Variants in GSK3B observed in about 807,000 individuals in gnomAD.
GSK3B encodes glycogen synthase kinase 3 beta.
A neutral mutation model predicts 56.4 loss-of-function variants in GSK3B; 15 were observed. That is an observed-to-expected ratio of 0.27 (90% confidence interval 0.18 to 0.41). The LOEUF is 0.41. Ranked by LOEUF, GSK3B falls within the 10% of genes least tolerant of loss-of-function variation. The pLI is 1.00. For synonymous variants in GSK3B, 181 were observed against 188.9 expected, an observed-to-expected ratio of 0.96 and a Z score of 0.34; for missense variants, 300 against 513.4, an observed-to-expected ratio of 0.58 and a Z score of 4.02.
At chr3:119,990,300 A>C (rs2057552646) in intron 2 of GSK3B, among the ~76,000 whole-genome samples, 1 of 152,040 alleles carries the variant, frequency 6.6e-6, no homozygotes, top group African/African-American at 2.4e-5. Context: ...CCACACACAT[A>C]AACATTCCAA....
intron 3 of GSK3B, among the ~76,000 whole-genome samples, chr3:119,928,612 T>TAAAAAAAAAAAAAAAAAAAAAAAAAAAAA (rs1160252679): frequency 1.5e-5 from 1 of 67,034 alleles, no homozygotes; most frequent in African/African-American, 4.7e-5. Context: ...ATCAAAAAAA[T>TAAAAAAAAAAAAAAAAAAAAAAAAAAAAA]AAAAAAAAAA....
intron 7 of GSK3B, among the ~76,000 whole-genome samples, chr3:119,899,502 A>T (rs1223340947): frequency 1.3e-5 from 2 of 152,130 alleles, no homozygotes; most frequent in East Asian, 3.8e-4. Context: ...GGCAGCTTTT[A>T]TGATGAGCAG....
chr3:120,084,657 T>C (rs1296099236), intron 1 of GSK3B: 1 of 152,260 alleles, frequency 6.6e-6, no homozygotes, highest in Non-Finnish European at 1.5e-5. Context: ...TTTTCTCATC[T>C]AAGATGTTAG....
intron 2 of GSK3B, among the ~76,000 whole-genome samples, chr3:119,993,004 G>A (rs1406481729): frequency 6.6e-6 from 1 of 151,522 alleles, no homozygotes; most frequent in Non-Finnish European, 1.5e-5. Flanking sequence ...AACCTTTATG[G>A]AGGGGCATTT....
chr3:119,977,704 C>T (rs868461162), intron 2 of GSK3B, among the ~76,000 whole-genome samples: 10 of 152,150 alleles, frequency 6.6e-5, no homozygotes, highest in Non-Finnish European at 1.2e-4. Context: ...ACTTAAATGG[C>T]TATATAAAAT....
At chr3:119,974,360 T>C (rs1158734639) in intron 2 of GSK3B, among the ~76,000 whole-genome samples, 1 of 152,192 alleles carries the variant, frequency 6.6e-6, no homozygotes, top group Non-Finnish European at 1.5e-5. Context: ...ATCAATGTGA[T>C]GGTATTAGGA....
chr3:119,971,783 T>C lies in GSK3B; in HGVS notation c.283-24432A>G, dbSNP rs527971616. 4.9e-3 allele frequency among the ~76,000 whole-genome samples: 730 copies of C among 150,404 alleles called. 3 individuals carry two copies. Among genetic ancestry groups the C allele is most frequent in the African/African-American group, 0.017 (685 of 40,942 alleles). ...CCCGCCACTACGCCCGGCTAATTTT[T>C]TGTATTTTTAGTAGAGACAGGGTTT... On this transcript the variant is annotated intron_variant, in intron 2 of 10. Transcript: ENST00000264235.
chr3:120,067,722 A>G (rs2058292082), intron 1 of GSK3B, among the ~76,000 whole-genome samples: 1 of 152,238 alleles, frequency 6.6e-6, no homozygotes. Flanking sequence ...TTGTTAAATA[A>G]CCACAGGGAT....
At chr3:119,914,261 T>C (rs75999622) in intron 5 of GSK3B, among the ~76,000 whole-genome samples, 3,937 of 152,154 alleles carry the variant, frequency 0.026, 174 homozygotes, top group African/African-American at 0.089. Flanking sequence ...AATCTGATAA[T>C]GTACAGTCCA....
chr3:119,933,820 T>C (rs1338674079), intron 3 of GSK3B, among the ~76,000 whole-genome samples: 1 of 152,190 alleles, frequency 6.6e-6, no homozygotes, highest in Non-Finnish European at 1.5e-5. Context: ...GAGGTTGCAG[T>C]GAGCAGAGAT....
At chr3:120,011,592 T>C (rs1029986155) in intron 1 of GSK3B, among the ~76,000 whole-genome samples, 2 of 152,188 alleles carry the variant, frequency 1.3e-5, no homozygotes, top group African/African-American at 2.4e-5. Flanking sequence ...TTTCACACTT[T>C]TGCACATCTA....
chr3:119,884,166 G>C (rs1332994495), intron 7 of GSK3B, among the ~76,000 whole-genome samples: 1 of 152,120 alleles, frequency 6.6e-6, no homozygotes, highest in Non-Finnish European at 1.5e-5. Flanking sequence ...GGTCCCATAA[G>C]ACAGTGACAC....
At chr3:119,846,128 T>A (rs1476832884) in intron 9 of GSK3B, among the ~76,000 whole-genome samples, 1 of 152,096 alleles carries the variant, frequency 6.6e-6, no homozygotes. Flanking sequence ...CCCTTCCTTA[T>A]ACCTTATACA....
chr3:120,008,718 C>A (rs548727769), intron 1 of GSK3B, among the ~76,000 whole-genome samples: 1 of 152,106 alleles, frequency 6.6e-6, no homozygotes, highest in Non-Finnish European at 1.5e-5. Context: ...CAAGATGGAT[C>A]AAAGACTTAA....
intron 2 of GSK3B, among the ~76,000 whole-genome samples, chr3:119,977,417 G>A (rs1319900965): frequency 1.3e-5 from 2 of 152,148 alleles, no homozygotes; most frequent in Non-Finnish European, 1.5e-5. Flanking sequence ...ACTTAATGGA[G>A]ACCTTTTCCC....
At chr3:120,043,790 AAGAGT>A (rs2058081778) in intron 1 of GSK3B, among the ~76,000 whole-genome samples, 1 of 152,204 alleles carries the variant, frequency 6.6e-6, no homozygotes, top group Non-Finnish European at 1.5e-5. Context: ...TTTACGGCTT[AAGAGT>A]AAAGACCAAT....
At chr3:119,847,808 T>G (rs931425383) in intron 9 of GSK3B, among the ~76,000 whole-genome samples, 2 of 152,214 alleles carry the variant, frequency 1.3e-5, no homozygotes, top group African/African-American at 4.8e-5. Flanking sequence ...AACATATTCT[T>G]TATGTTTTTA....
At chr3:120,070,211 C>CA (rs894506532) in intron 1 of GSK3B, among the ~76,000 whole-genome samples, 63 of 130,486 alleles carry the variant, frequency 4.8e-4, no homozygotes, top group African/African-American at 1.9e-3. Flanking sequence ...GACTCCATCT[C>CA]AAAAAACAAA....
At chr3:119,874,039 G>T (rs2056278940) in intron 8 of GSK3B, among the ~76,000 whole-genome samples, 1 of 152,112 alleles carries the variant, frequency 6.6e-6, no homozygotes, top group South Asian at 2.1e-4. Flanking sequence ...AAAACATCAA[G>T]AATTGAAGAG....
Sources: gnomAD v4.1 joint callset for allele counts (sites outside exome capture counted in the v4.1 genomes callset) on GRCh38, gnomAD v4.1.1 for gene constraint, MANE v1.5 for transcripts, NCBI Gene and HGNC (gene_info 2026-07-23, HGNC 2026-07-21) for gene names.